RYR3: variants seen among roughly 807,000 people sequenced by gnomAD.
RYR3 encodes brain ryanodine receptor-calcium release channel.
RYR3 carries 207 observed loss-of-function variants against 584.3 expected under a neutral mutation model. The ratio of observed to expected loss-of-function variants is 0.35; its 90% CI spans 0.32 to 0.40. The LOEUF (loss-of-function observed/expected upper bound fraction) is 0.40. Among genes scored for constraint, RYR3 ranks in the 10% least tolerant of loss-of-function variants. RYR3 has a pLI of 1.00. For missense variants in RYR3, 5,616 were observed against 6,089.2 expected (o/e 0.92, Z 2.59); for synonymous variants, 2,416 against 2,248.5 (o/e 1.07, Z -2.11).
chr15:33,671,098 C>T (rs2063809993), intron 38 of RYR3, among the ~76,000 whole-genome samples: 1 of 152,122 alleles, frequency 6.6e-6, no homozygotes, highest in African/African-American at 2.4e-5. Flanking sequence ...CGAGCTTTGT[C>T]TAGATTTATC....
intron 64 of RYR3, 70 bp from the exon 65 acceptor site, chr15:33,780,141 G>A: frequency 6.4e-7 from 1 of 1,573,518 alleles, no homozygotes. Context: ...TATGGGGAAG[G>A]CCTGATCTGC....
intron 9 of RYR3, 132 bp from the exon 10 acceptor site, chr15:33,550,028 G>T: frequency 1.2e-6 from 1 of 854,408 alleles, no homozygotes; most frequent in Non-Finnish European, 1.8e-6. Flanking sequence ...CAGCAGCCTG[G>T]TGCGTTTTCC....
At position 33,580,066 on chromosome 15, in the gene RYR3, A is replaced by C. The variant is rs763322316; in HGVS notation, c.1359A>C (p.Pro453=). 9 of 1,613,720 alleles carry C rather than the reference A, an allele frequency of 5.6e-6. No individual in the cohort carries two copies. The highest frequency in any genetic ancestry group is 1.3e-5 in the African/African-American group (1 of 75,044). The change falls in exon 13 of 104, where the codon CCA becomes CCC. Residue 453 remains proline, a synonymous_variant. Coordinates refer to ENST00000634891, the MANE Select transcript of RYR3 (RefSeq NM_001036.6). ...ACTTGATCGCCTACTTCCAGCCCCC[A>C]GAGGAGGAGATGCGACATGAAGACA... ...LQDLIAYFQP[P]EEEMRHEDKQ...
intron 11 of RYR3, among the ~76,000 whole-genome samples, chr15:33,564,282 G>A (rs553954816): frequency 5.3e-5 from 8 of 152,276 alleles, no homozygotes; most frequent in Non-Finnish European, 7.4e-5. Flanking sequence ...TAAGCTGACC[G>A]TGGATGGGGT....
intron 1 of RYR3, among the ~76,000 whole-genome samples, chr15:33,384,040 TGTAA>T (rs1393032875): frequency 6.6e-6 from 1 of 152,162 alleles, no homozygotes; most frequent in Non-Finnish European, 1.5e-5. Context: ...TGTTGTCACT[TGTAA>T]GTGAGAGCTA....
chr15:33,370,719 A>G (rs1038257204), intron 1 of RYR3, among the ~76,000 whole-genome samples: 15 of 152,204 alleles, frequency 9.9e-5, no homozygotes, highest in African/African-American at 3.6e-4. Context: ...AGTCAAGTAA[A>G]GCATCCAGAT....
intron 1 of RYR3, among the ~76,000 whole-genome samples, chr15:33,329,568 A>C (rs778259884): frequency 6.6e-6 from 1 of 151,880 alleles, no homozygotes; most frequent in Non-Finnish European, 1.5e-5. Flanking sequence ...GAGCGATTCC[A>C]CTTTTGAGCA....
chr15:33,732,747 G>T (rs2069077074), intron 48 of RYR3, among the ~76,000 whole-genome samples: 1 of 152,198 alleles, frequency 6.6e-6, no homozygotes, highest in South Asian at 2.1e-4. Context: ...AGCCCAAAAA[G>T]TCAAAACTGT....
intron 1 of RYR3, among the ~76,000 whole-genome samples, chr15:33,436,058 T>C (rs1344666772): frequency 1.3e-5 from 2 of 152,190 alleles, no homozygotes; most frequent in African/African-American, 4.8e-5. Context: ...TACAATCCTC[T>C]AGCTAGACAG....
intron 12 of RYR3, 88 bp downstream of exon 12, chr15:33,566,887 T>C: frequency 2.1e-6 from 3 of 1,410,408 alleles, no homozygotes; most frequent in East Asian, 2.3e-5. Flanking sequence ...ATACTGTGAA[T>C]GTTTTCAGGA....
chr15:33,550,363 C>T, intron 10 of RYR3, 47 bp downstream of exon 10: 1 of 1,548,798 alleles, frequency 6.5e-7, no homozygotes, highest in Non-Finnish European at 8.7e-7. Context: ...AAAGTGAAAA[C>T]TCAGAAACCT....
chr15:33,323,544 G>A (rs1034628506), intron 1 of RYR3, among the ~76,000 whole-genome samples: 12 of 152,080 alleles, frequency 7.9e-5, no homozygotes, highest in African/African-American at 2.9e-4. Context: ...AATGATATGG[G>A]GAGGGGGTGG....
intron 38 of RYR3, among the ~76,000 whole-genome samples, chr15:33,684,716 C>A (rs1477878963): frequency 6.6e-6 from 1 of 152,174 alleles, no homozygotes; most frequent in African/African-American, 2.4e-5. Context: ...GTTGCGTTAC[C>A]CACAAAGGGA....
intron 31 of RYR3, among the ~76,000 whole-genome samples, chr15:33,651,283 C>T (rs765809135): frequency 6.6e-6 from 1 of 152,260 alleles, no homozygotes; most frequent in African/African-American, 2.4e-5. Context: ...CACATTCCCA[C>T]AGCTTTAATA....
chr15:33,642,566 T>C lies in RYR3; in HGVS notation c.3557-1745T>C, dbSNP rs562093816. Among the ~76,000 whole-genome samples, 6 of 152,252 alleles carry C rather than the reference T, an allele frequency of 3.9e-5. No individual in the cohort carries two copies. In the East Asian group the frequency reaches 9.6e-4, roughly 24 times the overall value. On this transcript the variant is annotated intron_variant, in intron 27 of 103. Coordinates refer to ENST00000634891, the MANE Select transcript of RYR3 (RefSeq NM_001036.6). ...TTTCTTCTTCCTTCACATCTTGTCA[T>C]GGCACATAGCAAAACTGTCTTTCCC...
intron 28 of RYR3, among the ~76,000 whole-genome samples, chr15:33,645,567 C>A (rs1295750489): frequency 6.6e-6 from 1 of 152,162 alleles, no homozygotes; most frequent in Non-Finnish European, 1.5e-5. Flanking sequence ...AGGTCATGAA[C>A]CCCTAGAGGC....
Position 33,470,634 on chromosome 15 carries a change from A to G in RYR3, c.52-2785A>G, listed in dbSNP as rs11856567. 4.2e-3 allele frequency among the ~76,000 whole-genome samples: 636 copies of G among 152,338 alleles called. 6 individuals are homozygous for G. Among genetic ancestry groups the G allele is most frequent in the African/African-American group, 0.015 (605 of 41,576 alleles). ...GGTGGATAGTCCAGTTCTGGATTTT[A>G]GAAGTGGGATCATTCTAGGTTATGA... On this transcript the variant is annotated intron_variant, in intron 1 of 103. Coordinates refer to ENST00000634891, the MANE Select transcript of RYR3 (RefSeq NM_001036.6).
chr15:33,840,521 A>T (rs1017112611), intron 89 of RYR3: 2 of 384,962 alleles, frequency 5.2e-6, no homozygotes, highest in African/African-American at 4.2e-5. Context: ...TGTCTTTCTG[A>T]CCCTGTGGAG....
chr15:33,500,357 A>C (rs1383773537), intron 2 of RYR3, among the ~76,000 whole-genome samples: 1 of 152,192 alleles, frequency 6.6e-6, no homozygotes, highest in Non-Finnish European at 1.5e-5. Flanking sequence ...CTAAATGACT[A>C]CAAAACAGGG....
Sources: gnomAD v4.1 joint callset for allele counts (sites outside exome capture counted in the v4.1 genomes callset) on GRCh38, gnomAD v4.1.1 for gene constraint, MANE v1.5 for transcripts, NCBI Gene and HGNC (gene_info 2026-07-23, HGNC 2026-07-21) for gene names.